The following SREBF2 variants were observed in gnomAD, a reference collection of about 807,000 sequenced individuals.
SREBF2 encodes the protein sterol regulatory element binding transcription factor 2.
Under a neutral mutation model 113.1 loss-of-function variants are expected in SREBF2, and 55 were observed. The observed-to-expected ratio is 0.49, with a 90% CI of 0.39 to 0.61. The LOEUF (loss-of-function observed/expected upper bound fraction) is 0.61. SREBF2 is among the 20% of genes least tolerant of loss of function. The probability of loss-of-function intolerance (pLI) is 0.00; values close to 1 mark genes in which losing one functional copy is unlikely to be tolerated. For synonymous variants in SREBF2, 593 were observed against 605.7 expected (o/e 0.98, Z 0.31); for missense variants, 1,349 against 1,487.4 (o/e 0.91, Z 1.53).
Position 41,893,274 on chromosome 22 carries a change from A to G in SREBF2, c.2366A>G (p.Gln789Arg). ...GCCAAGGAGAGTCTATACTGTGCCC[A>G]GAGGAACCCAGGTGAGAATACCTTG... ...SAAKESLYCA[Q>R]RNPADPIAQV... Residue 789 changes from glutamine (Q) to arginine (R), a missense_variant, in exon 12 of 19, where the codon CAG becomes CGG. Around this residue, in one of 2 missense-constraint regions of SREBF2, gnomAD observed 650 missense variants for 644.1 expected, o/e 1.01. Coordinates refer to ENST00000361204, the MANE Select transcript of SREBF2 (RefSeq NM_004599.4). 3 of 1,614,230 alleles carry G rather than the reference A, an allele frequency of 1.9e-6. No homozygotes were observed. The highest frequency in any genetic ancestry group is 2.2e-5 in the South Asian group (2 of 91,088).
intron 1 of SREBF2, among the ~76,000 whole-genome samples, chr22:41,839,559 G>C (rs1336574127): frequency 1.3e-5 from 2 of 152,194 alleles, no homozygotes; most frequent in Non-Finnish European, 2.9e-5. Context: ...GGGTGAGTGG[G>C]AGATGGGCAG....
intron 3 of SREBF2, among the ~76,000 whole-genome samples, chr22:41,869,303 G>C (rs1262049270): frequency 3.0e-5 from 4 of 132,412 alleles, no homozygotes; most frequent in Non-Finnish European, 6.4e-5. Context: ...CGGGATGTTG[G>C]CCAGGCTGGC....
chr22:41,857,783 C>A (rs1385568270), intron 1 of SREBF2, among the ~76,000 whole-genome samples: 1 of 152,186 alleles, frequency 6.6e-6, no homozygotes, highest in Non-Finnish European at 1.5e-5. Context: ...GATGTGCCCC[C>A]TGGTGTTTGA....
intron 11 of SREBF2, among the ~76,000 whole-genome samples, chr22:41,892,148 C>G (rs967287178): frequency 5.9e-5 from 9 of 152,182 alleles, no homozygotes; most frequent in Admixed American, 2.0e-4. Flanking sequence ...GGGGGAGTCT[C>G]TCAACCACCT....
chr22:41,900,868 C>G (rs890323897), intron 16 of SREBF2: 1 of 510,810 alleles, frequency 2.0e-6, no homozygotes, highest in African/African-American at 1.9e-5. Flanking sequence ...GGGTTCCTGC[C>G]CCCTCGGGCA....
At chr22:41,870,323 A>T (rs1183148617) in intron 3 of SREBF2, among the ~76,000 whole-genome samples, 2 of 151,860 alleles carry the variant, frequency 1.3e-5, no homozygotes, top group Non-Finnish European at 2.9e-5. Context: ...AAGTCTTTCA[A>T]CCTAAAAACC....
At chr22:41,873,753 G>C in intron 4 of SREBF2, 45 bp from the exon 5 acceptor site, 1 of 1,555,302 alleles carries the variant, frequency 6.4e-7, no homozygotes, top group Non-Finnish European at 8.7e-7. Context: ...GCTTTATGCA[G>C]ACTAACAAAG....
chr22:41,858,847 A>G (rs1330161499), intron 1 of SREBF2, among the ~76,000 whole-genome samples: 2 of 152,190 alleles, frequency 1.3e-5, no homozygotes, highest in Admixed American at 1.3e-4. Context: ...TTATTTTTTA[A>G]AAAAGATAGG....
chr22:41,874,013 C>T lies in SREBF2; in HGVS notation c.1083C>T (p.Asp361=), dbSNP rs147957081. The T allele has an allele frequency of 5.0e-5, 80 of 1,614,032 alleles. No individual in the cohort carries two copies. Among genetic ancestry groups the T allele is most frequent in the Middle Eastern group, 1.6e-4 (1 of 6,084 alleles). ...IELKDLVMGT[D]AKMHKSGVLR... is the part of the protein sequence containing the mutation. ...TGAAAGACCTGGTCATGGGGACAGA[C>T]GCCAAGGTGGGTGCCAAGCAAAATT... The change falls in exon 5 of 19, where the codon GAC becomes GAT. Residue 361 remains aspartate, a synonymous_variant. Transcript: ENST00000361204.
Position 41,873,952 on chromosome 22 carries a change from G to A in SREBF2, c.1022G>A (p.Arg341Gln), listed in dbSNP as rs767557693. 2 of 1,614,106 alleles carry A rather than the reference G, an allele frequency of 1.2e-6. No individual in the cohort carries two copies. The highest frequency in any genetic ancestry group is 1.1e-5 in the South Asian group (1 of 91,074). The stretch of plus-strand genomic sequence containing the variant: ...ACAACCCATAATATCATTGAGAAAC[G>A]ATATCGCTCCTCCATCAATGACAAA... ...RRTTHNIIEK[R>Q]YRSSINDKII... The change falls in exon 5 of 19, where the codon CGA becomes CAA. Residue 341 changes from arginine (R) to glutamine (Q), a missense_variant. This residue lies in a region of SREBF2 where 699 missense variants were observed against 843.3 expected (regional missense o/e 0.83). Coordinates refer to ENST00000361204, the MANE Select transcript of SREBF2 (RefSeq NM_004599.4).
chr22:41,883,610 G>A (rs2077270642), intron 10 of SREBF2, among the ~76,000 whole-genome samples: 4 of 152,168 alleles, frequency 2.6e-5, no homozygotes, highest in African/African-American at 7.2e-5. Context: ...CCTGTGTGAG[G>A]CACTGAGGGG....
At chr22:41,851,075 C>G (rs1173662488) in intron 1 of SREBF2, among the ~76,000 whole-genome samples, 1 of 152,086 alleles carries the variant, frequency 6.6e-6, no homozygotes, top group Non-Finnish European at 1.5e-5. Context: ...TAATATTGGT[C>G]TCAGGGTTGA....
intron 1 of SREBF2, among the ~76,000 whole-genome samples, chr22:41,834,937 A>G (rs1164204654): frequency 6.6e-6 from 1 of 152,118 alleles, no homozygotes; most frequent in East Asian, 1.9e-4. Context: ...TCAGGTAGAG[A>G]GAACTGTTAT....
chr22:41,880,253 G>A (rs889805946), intron 9 of SREBF2, among the ~76,000 whole-genome samples: 1 of 152,096 alleles, frequency 6.6e-6, no homozygotes, highest in African/African-American at 2.4e-5. Flanking sequence ...ACCACCTTAT[G>A]TCTAAAAGCT....
chr22:41,833,516 G>A lies in SREBF2; in HGVS notation c.88+158G>A. The A allele has an allele frequency of 3.6e-6, 2 of 551,510 alleles. No individual in the cohort carries two copies. Among genetic ancestry groups the A allele is most frequent in the Non-Finnish European group, 6.0e-6 (2 of 334,684 alleles). 34.2% of individuals were successfully genotyped at this position (551,510 alleles called of 1,614,324 possible). On this transcript the variant is annotated intron_variant, in intron 1 of 18. Coordinates refer to ENST00000361204, the MANE Select transcript of SREBF2 (RefSeq NM_004599.4). The surrounding 1 kb of genome is among the most constrained non-coding windows in gnomAD (Gnocchi z 4.1). The stretch of plus-strand genomic sequence containing the variant: ...CCCGGCGGTCCTCAACCCTTCCGGC[G>A]CTGCGAGCGTGAGCCCGACCCAGCT...
chr22:41,848,081 A>G (rs2148349061), intron 1 of SREBF2, among the ~76,000 whole-genome samples: 1 of 151,822 alleles, frequency 6.6e-6, no homozygotes, highest in Admixed American at 6.6e-5. Flanking sequence ...ACGCCCAGCT[A>G]ATTTTTTTTT....
intron 11 of SREBF2, 78 bp downstream of exon 11, chr22:41,885,089 A>T: frequency 1.3e-6 from 2 of 1,548,542 alleles, no homozygotes; most frequent in South Asian, 2.3e-5. Flanking sequence ...AGAAGCAGTT[A>T]TGAACCCCCT....
intron 11 of SREBF2, among the ~76,000 whole-genome samples, chr22:41,891,947 G>A (rs1195293346): frequency 6.6e-6 from 1 of 152,212 alleles, no homozygotes; most frequent in Non-Finnish European, 1.5e-5. Context: ...GTGGGGTCCT[G>A]GAATGATGTT....
chr22:41,888,276 A>G (rs1346651701), intron 11 of SREBF2, among the ~76,000 whole-genome samples: 4 of 152,180 alleles, frequency 2.6e-5, no homozygotes, highest in Non-Finnish European at 5.9e-5. Context: ...TACTCTTTAC[A>G]CATATGTACC....
Sources: gnomAD v4.1 joint callset for allele counts (sites outside exome capture counted in the v4.1 genomes callset) on GRCh38, gnomAD v4.1.1 for gene constraint, gnomAD v4.1.1 regional missense constraint, Gnocchi (gnomAD v3.1) non-coding constraint, MANE v1.5 for transcripts, NCBI Gene and HGNC (gene_info 2026-07-23, HGNC 2026-07-21) for gene names.